The following STK39 variants were observed in gnomAD, a reference collection of about 807,000 sequenced individuals.
STK39 encodes the protein serine/threonine kinase 39, also known as STE20/SPS1-related proline-alanine-rich protein kinase.
STK39 carries 20 observed loss-of-function variants against 77.8 expected under a neutral mutation model. The ratio of observed to expected loss-of-function variants is 0.26; its 90% CI spans 0.18 to 0.37. The LOEUF (loss-of-function observed/expected upper bound fraction) is 0.37, where lower values mean the gene tolerates loss of function less well. Among genes scored for constraint, STK39 ranks in the 10% least tolerant of loss-of-function variants. STK39 has a pLI of 1.00. For synonymous variants in STK39, 246 were observed against 234.1 expected, an observed-to-expected ratio of 1.05 and a Z score of -0.47; for missense variants, 479 against 656.5, an observed-to-expected ratio of 0.73 and a Z score of 2.95.
intron 14 of STK39, among the ~76,000 whole-genome samples, chr2:168,020,885 C>A (rs1280512973): frequency 6.6e-6 from 1 of 152,028 alleles, no homozygotes; most frequent in Non-Finnish European, 1.5e-5. Flanking sequence ...TAAGAGAAAG[C>A]AATGTTATTC....
chr2:168,192,148 TGAA>T, intron 1 of STK39, among the ~76,000 whole-genome samples: 1 of 152,280 alleles, frequency 6.6e-6, no homozygotes, highest in Middle Eastern at 3.4e-3. Flanking sequence ...AGTAACAGGA[TGAA>T]GCGTGTCCCT....
chr2:168,197,443 G>A (rs1052941649), intron 1 of STK39, among the ~76,000 whole-genome samples: 1 of 152,176 alleles, frequency 6.6e-6, no homozygotes, highest in African/African-American at 2.4e-5. Context: ...GCCTTGGGCT[G>A]CCACATATTG....
intron 1 of STK39, among the ~76,000 whole-genome samples, chr2:168,236,563 T>C (rs1690616019): frequency 6.6e-6 from 1 of 152,218 alleles, no homozygotes; most frequent in African/African-American, 2.4e-5. Flanking sequence ...TAGGTTTTCT[T>C]CTAGGGTTTT....
intron 5 of STK39, among the ~76,000 whole-genome samples, 191 bp from the exon 6 acceptor site, chr2:168,140,949 C>T (rs1687966047): frequency 6.6e-6 from 1 of 152,026 alleles, no homozygotes; most frequent in African/African-American, 2.4e-5. Context: ...TGGAGAATAC[C>T]ATCGCTGGTA....
intron 17 of STK39, among the ~76,000 whole-genome samples, chr2:167,956,742 C>CG (rs1691796341): frequency 8.0e-6 from 1 of 124,304 alleles, no homozygotes; most frequent in Non-Finnish European, 1.7e-5. Context: ...CCCCCGCCCC[C>CG]TCAGATCCAC....
intron 7 of STK39, among the ~76,000 whole-genome samples, chr2:168,139,864 G>A (rs2105529312): frequency 6.6e-6 from 1 of 151,976 alleles, no homozygotes; most frequent in South Asian, 2.1e-4. Context: ...AAGAGCAGGG[G>A]TAAAAATGTT....
At chr2:167,963,976 T>G (rs1373418843) in intron 17 of STK39, among the ~76,000 whole-genome samples, 1 of 152,194 alleles carries the variant, frequency 6.6e-6, no homozygotes, top group Non-Finnish European at 1.5e-5. Flanking sequence ...CGCTAAAATT[T>G]TTTGGAAAAC....
intron 14 of STK39, among the ~76,000 whole-genome samples, chr2:168,044,688 G>A (rs188686500): frequency 6.6e-5 from 10 of 152,308 alleles, no homozygotes; most frequent in Admixed American, 6.5e-4. Context: ...GCACTGTGGT[G>A]AGGCAAACCC....
At chr2:168,066,512 C>A (rs1685799541) in intron 12 of STK39, among the ~76,000 whole-genome samples, 1 of 152,224 alleles carries the variant, frequency 6.6e-6, no homozygotes, top group Non-Finnish European at 1.5e-5. Flanking sequence ...TGCAAAGAAT[C>A]TTTCAGGGTG....
At chr2:168,193,238 C>A (rs1689383110) in intron 1 of STK39, among the ~76,000 whole-genome samples, 2 of 152,204 alleles carry the variant, frequency 1.3e-5, no homozygotes, top group African/African-American at 4.8e-5. Context: ...TGAGGCCCTC[C>A]CCTAAGTTAC....
chr2:167,961,882 T>C (rs1278174291), intron 17 of STK39, among the ~76,000 whole-genome samples: 2 of 152,174 alleles, frequency 1.3e-5, no homozygotes, highest in African/African-American at 2.4e-5. Flanking sequence ...ATTTCACATC[T>C]TGGGAACCCC....
chr2:168,106,382 T>G (rs545165547), intron 10 of STK39, among the ~76,000 whole-genome samples: 2 of 152,338 alleles, frequency 1.3e-5, no homozygotes, highest in Non-Finnish European at 2.9e-5. Flanking sequence ...TAGTTTAAAC[T>G]TAATAATTAT....
intron 1 of STK39, among the ~76,000 whole-genome samples, chr2:168,188,659 T>C (rs1028251808): frequency 7.2e-5 from 11 of 152,304 alleles, no homozygotes; most frequent in East Asian, 1.9e-4. Flanking sequence ...ACTCGGCACA[T>C]TGACCCAAAC....
intron 10 of STK39, among the ~76,000 whole-genome samples, chr2:168,103,266 C>T (rs899500739): frequency 8.5e-5 from 13 of 152,156 alleles, no homozygotes; most frequent in Admixed American, 4.6e-4. Context: ...CCTTTACCTT[C>T]CTTTTTGCAT....
At chr2:168,103,488 C>A (rs932382269) in intron 10 of STK39, among the ~76,000 whole-genome samples, 5 of 152,114 alleles carry the variant, frequency 3.3e-5, no homozygotes, top group Admixed American at 3.3e-4. Flanking sequence ...TTCTTTGTAC[C>A]TTAGTAGGAG....
chr2:168,167,487 C>G, intron 2 of STK39, 80 bp from the exon 3 acceptor site: 2 of 1,279,856 alleles, frequency 1.6e-6, no homozygotes, highest in Non-Finnish European at 2.2e-6. Context: ...CAGTTGAGTA[C>G]CTGGGTAACT....
intron 16 of STK39, among the ~76,000 whole-genome samples, chr2:168,010,709 C>A (rs1484202196): frequency 6.6e-6 from 1 of 151,878 alleles, no homozygotes; most frequent in Non-Finnish European, 1.5e-5. Flanking sequence ...AGGAAAAAAT[C>A]TGTTTTTTTC....
intron 1 of STK39, among the ~76,000 whole-genome samples, chr2:168,216,438 G>A (rs999985103): frequency 6.6e-6 from 1 of 152,092 alleles, no homozygotes; most frequent in African/African-American, 2.4e-5. Context: ...CCTAATTTAC[G>A]ACTTAGCAGC....
chr2:168,131,459 A>C (rs1417414995), intron 8 of STK39, among the ~76,000 whole-genome samples: 1 of 152,196 alleles, frequency 6.6e-6, no homozygotes, highest in African/African-American at 2.4e-5. Context: ...GGAATCAGGA[A>C]GCTCCACTAA....
Sources: allele counts gnomAD v4.1 joint callset (sites outside exome capture counted in the v4.1 genomes callset), GRCh38; gene constraint gnomAD v4.1.1; transcripts MANE v1.5; gene names NCBI Gene and HGNC (gene_info 2026-07-23, HGNC 2026-07-21).